The following DACH1 variants were observed in gnomAD, a reference collection of about 807,000 sequenced individuals.
The protein encoded by DACH1 is dachshund family transcription factor 1, also known as dachshund homolog 1.
Under a neutral mutation model 54.2 loss-of-function variants are expected in DACH1, and 12 were observed. The observed-to-expected ratio is 0.22, with a 90% CI of 0.14 to 0.36. The LOEUF is 0.36. Ranked by LOEUF, DACH1 falls within the 10% of genes least tolerant of loss-of-function variation. DACH1 has a pLI of 1.00. For synonymous variants in DACH1, 386 were observed against 366.2 expected (o/e 1.05, Z -0.62); for missense variants, 805 against 929.8 (o/e 0.87, Z 1.75).
At chr13:71,473,412 T>G (rs1877252236) in intron 10 of DACH1, among the ~76,000 whole-genome samples, 1 of 152,186 alleles carries the variant, frequency 6.6e-6, no homozygotes, top group Non-Finnish European at 1.5e-5. Context: ...AATTTGTGAT[T>G]AAAACTTTTC....
chr13:71,863,570 C>G (rs1040744413), intron 1 of DACH1, among the ~76,000 whole-genome samples: 1 of 152,132 alleles, frequency 6.6e-6, no homozygotes, highest in African/African-American at 2.4e-5. Context: ...TTTAACTTAT[C>G]TTGGCTCTGC....
chr13:71,636,885 A>T lies in DACH1; in HGVS notation c.965-6168T>A, dbSNP rs540282853. On this transcript the variant is annotated intron_variant, in intron 2 of 10. Transcript: ENST00000613252. ...TTGTCATATTACTATCTGAATTATGATGCAAACTTATGCTTGCTTCTTCAG... is the reference window on the plus strand; with the variant it reads ...TTGTCATATTACTATCTGAATTATGTTGCAAACTTATGCTTGCTTCTTCAG... Among the ~76,000 whole-genome samples the T allele has an allele frequency of 2.0e-5, 3 of 152,298 alleles. No homozygotes were observed. In the South Asian group the frequency reaches 6.2e-4, roughly 32 times the overall value.
At position 71,456,962 on chromosome 13, in the gene DACH1, T is replaced by G. The variant is rs9572753; in HGVS notation, c.2084-16270A>C. ...ATGCATTTTATATAAGAGATCATGA[T>G]GTTCCTAAAGCTTAAAATATCGTGT... On this transcript the variant is annotated intron_variant, in intron 10 of 10. Coordinates refer to ENST00000613252, the MANE Select transcript of DACH1 (RefSeq NM_080759.6). Among the ~76,000 whole-genome samples the G allele has an allele frequency of 8.5e-4, 130 of 152,182 alleles. 2 individuals carry two copies. The East Asian group carries it at 0.023, about 27-fold the overall frequency.
At chr13:71,726,034 T>A (rs1215893684) in intron 1 of DACH1, among the ~76,000 whole-genome samples, 1 of 152,100 alleles carries the variant, frequency 6.6e-6, no homozygotes, top group Non-Finnish European at 1.5e-5. Context: ...AATGAACACA[T>A]AGTGATTTAC....
chr13:71,610,122 T>G (rs1875206087), intron 3 of DACH1, among the ~76,000 whole-genome samples: 2 of 152,130 alleles, frequency 1.3e-5, no homozygotes, highest in African/African-American at 4.8e-5. Flanking sequence ...TTGTTTGCAG[T>G]GGATGTGGTC....
At position 71,866,405 on chromosome 13, in the gene DACH1, A is replaced by T. The variant is rs1874781100; in HGVS notation, c.365T>A (p.Ile122Asn). ...GGAAGCGACGCCGCCGCCAGCGCTG[A>T]TGCCGCCGCCGCCGCCGCCGCTGCC... ...SNGSGGGGGG[I>N]SAGGGVASST... Residue 122 changes from isoleucine to asparagine, a missense_variant, in exon 1 of 11, where the codon ATC becomes AAC. By Grantham distance (149) the Ile-to-Asn change is moderately radical (BLOSUM62 -3). Coordinates refer to ENST00000613252, the MANE Select transcript of DACH1 (RefSeq NM_080759.6). 7.3e-7 allele frequency: 1 copy of T among 1,363,936 alleles called. No individual in the cohort carries two copies. Among genetic ancestry groups the T allele is most frequent in the Non-Finnish European group, 9.8e-7 (1 of 1,022,064 alleles). The allele number at this position is 1,363,936 out of a possible 1,614,324, so 84.5% of individuals were successfully genotyped here.
chr13:71,765,277 A>T (rs1304636672), intron 1 of DACH1, among the ~76,000 whole-genome samples: 1 of 152,214 alleles, frequency 6.6e-6, no homozygotes. Context: ...ATCCTTGCCT[A>T]CCCACAAGCT....
chr13:71,500,660 C>T (rs1197494973), intron 6 of DACH1, among the ~76,000 whole-genome samples: 1 of 152,138 alleles, frequency 6.6e-6, no homozygotes. Context: ...TGAAGATTCT[C>T]ATTTCTTTTC....
At chr13:71,508,489 T>G (rs1339709062) in intron 6 of DACH1, among the ~76,000 whole-genome samples, 1 of 151,966 alleles carries the variant, frequency 6.6e-6, no homozygotes, top group Admixed American at 6.6e-5. Flanking sequence ...TGTAGATAGA[T>G]AGGATCTTGC....
intron 2 of DACH1, among the ~76,000 whole-genome samples, chr13:71,635,609 G>A (rs1215206462): frequency 6.6e-6 from 1 of 151,968 alleles, no homozygotes; most frequent in South Asian, 2.1e-4. Flanking sequence ...TTGTCCACTG[G>A]TGTAAACACT....
At chr13:71,660,209 A>T (rs1360861471) in intron 2 of DACH1, among the ~76,000 whole-genome samples, 31 of 152,128 alleles carry the variant, frequency 2.0e-4, no homozygotes. Flanking sequence ...CCTGAGCACA[A>T]AATGAGCTTT....
chr13:71,644,050 G>A (rs908757910), intron 2 of DACH1, among the ~76,000 whole-genome samples: 2 of 152,138 alleles, frequency 1.3e-5, no homozygotes, highest in Admixed American at 6.5e-5. Flanking sequence ...AAAGGGAGGA[G>A]GGGGACATGT....
At chr13:71,458,973 C>T (rs1221205247) in intron 10 of DACH1, among the ~76,000 whole-genome samples, 1 of 151,696 alleles carries the variant, frequency 6.6e-6, no homozygotes, top group Admixed American at 6.6e-5. Flanking sequence ...TTTGGCCCTG[C>T]ACTTCAGTGT....
At chr13:71,482,961 C>T (rs536905274) in intron 7 of DACH1, among the ~76,000 whole-genome samples, 32 of 151,986 alleles carry the variant, frequency 2.1e-4, no homozygotes, top group Non-Finnish European at 1.5e-5. Context: ...CCACCATACC[C>T]GGCTTATTTT....
At position 71,630,396 on chromosome 13, in the gene DACH1, G is replaced by T. The variant is rs530555890; in HGVS notation, c.1126+160C>A. ...CCTTTAGAATGAACAATTATCATTA[G>T]TTGTTAGAGAGGCAAAATGGTATCC... is the stretch of plus-strand genomic sequence containing the variant. On this transcript the variant is annotated intron_variant, in intron 3 of 10. Transcript: ENST00000613252. 2.6e-5 allele frequency among the ~76,000 whole-genome samples: 4 copies of T among 152,248 alleles called. No homozygotes were observed. In the South Asian group the frequency reaches 8.3e-4, roughly 32 times the overall value.
At chr13:71,447,395 AT>A (rs1593706730) in intron 10 of DACH1, among the ~76,000 whole-genome samples, 1 of 152,162 alleles carries the variant, frequency 6.6e-6, no homozygotes, top group Non-Finnish European at 1.5e-5. Context: ...TTGGTTTAAT[AT>A]TTTTTAATGT....
chr13:71,675,296 A>C, intron 2 of DACH1: 1 of 1,603,532 alleles, frequency 6.2e-7, no homozygotes. Context: ...ATTGCTCAGT[A>C]CTTTAAAACA....
intron 1 of DACH1, among the ~76,000 whole-genome samples, chr13:71,862,986 C>T (rs538874681): frequency 1.3e-5 from 2 of 152,038 alleles, no homozygotes; most frequent in South Asian, 4.2e-4. Context: ...CTCTTATACT[C>T]TACATAAATT....
At chr13:71,805,179 A>G (rs530987756) in intron 1 of DACH1, among the ~76,000 whole-genome samples, 1 of 152,300 alleles carries the variant, frequency 6.6e-6, no homozygotes, top group South Asian at 2.1e-4. Flanking sequence ...TAAAGAGTCA[A>G]TAACCTTACA....
Sources: gnomAD v4.1 joint callset for allele counts (sites outside exome capture counted in the v4.1 genomes callset) on GRCh38, gnomAD v4.1.1 for gene constraint, MANE v1.5 for transcripts, NCBI Gene and HGNC (gene_info 2026-07-23, HGNC 2026-07-21) for gene names.